The following B3GALT1 variants were observed in gnomAD, a reference collection of about 807,000 sequenced individuals.
B3GALT1 encodes the protein beta-1,3-galactosyltransferase 1.
B3GALT1 carries 10 observed loss-of-function variants against 23.2 expected under a neutral mutation model. That is an observed-to-expected ratio of 0.43 (90% confidence interval 0.27 to 0.73). The LOEUF (loss-of-function observed/expected upper bound fraction) is 0.73. B3GALT1 is among the 30% of genes least tolerant of loss of function. B3GALT1 has a pLI of 0.21. For missense variants in B3GALT1, 299 were observed against 405.4 expected, an observed-to-expected ratio of 0.74 and a Z score of 2.25; for synonymous variants, 156 against 141.5, an observed-to-expected ratio of 1.10 and a Z score of -0.73.
At position 167,371,314 on chromosome 2, in the gene B3GALT1, A is replaced by T. The variant is rs569167607; in HGVS notation, c.-511+77980A>T. ...TAATCTTTATAAAGTCACATCTTTA[A>T]TTTCTTTGAAAAATTACAAAATAGG... is the stretch of plus-strand genomic sequence containing the variant. On this transcript the variant is annotated intron_variant, in intron 1 of 4. Coordinates refer to ENST00000392690, the MANE Select transcript of B3GALT1 (RefSeq NM_020981.4). 2.2e-4 allele frequency among the ~76,000 whole-genome samples: 33 copies of T among 152,274 alleles called. No individual in the cohort carries two copies. In the South Asian group the frequency reaches 6.0e-3, roughly 28 times the overall value.
chr2:167,869,468 G>A lies in B3GALT1; in HGVS notation c.429G>A (p.Glu143=), dbSNP rs369947361. The change falls in exon 5 of 5, where the codon GAG becomes GAA. Residue 143 remains glutamate (E), a synonymous_variant. Coordinates refer to ENST00000392690, the MANE Select transcript of B3GALT1 (RefSeq NM_020981.4). The surrounding 1 kb of genome is among the most constrained non-coding windows in gnomAD (Gnocchi z 6.4). The part of the protein sequence containing the change: ...ESQIFHDIIV[E]DFIDSYHNLT... ...AAATCTTCCATGATATCATCGTGGA[G>A]GACTTTATTGACTCCTACCATAACC... is the stretch of plus-strand genomic sequence containing the variant. 23 of 1,613,730 alleles carry A rather than the reference G, an allele frequency of 1.4e-5. No homozygotes were observed. Among genetic ancestry groups the A allele is most frequent in the African/African-American group, 9.3e-5 (7 of 74,894 alleles).
intron 1 of B3GALT1, among the ~76,000 whole-genome samples, chr2:167,462,630 T>A (rs1250317296): frequency 6.6e-6 from 1 of 152,102 alleles, no homozygotes; most frequent in Non-Finnish European, 1.5e-5. Context: ...TTGAAAACCA[T>A]CTGACATTCA....
At chr2:167,519,193 C>G (rs1700149426) in intron 2 of B3GALT1, among the ~76,000 whole-genome samples, 1 of 152,060 alleles carries the variant, frequency 6.6e-6, no homozygotes, top group South Asian at 2.1e-4. Context: ...GGACTCAGCG[C>G]ATTTCTCCTT....
At chr2:167,800,145 T>C (rs1386953095) in intron 3 of B3GALT1, among the ~76,000 whole-genome samples, 2 of 152,210 alleles carry the variant, frequency 1.3e-5, no homozygotes, top group Non-Finnish European at 1.5e-5. Flanking sequence ...GGGTGAAAGA[T>C]AGAATTTCAC....
At chr2:167,526,923 G>A (rs547011378) in intron 2 of B3GALT1, among the ~76,000 whole-genome samples, 18 of 151,972 alleles carry the variant, frequency 1.2e-4, no homozygotes, top group African/African-American at 3.4e-4. Context: ...CTATGACTAC[G>A]TATTTGAATG....
Position 167,458,823 on chromosome 2 carries a change from A to T in B3GALT1, c.-510-31354A>T, listed in dbSNP as rs74531327. 9.9e-5 allele frequency among the ~76,000 whole-genome samples: 15 copies of T among 152,214 alleles called. No individual in the cohort carries two copies. In the East Asian group the frequency reaches 2.9e-3, roughly 29 times the overall value. ...GATTTTTTTGTTGTTGTTGATTGTT[A>T]GTATATAGAAATGCAACTAAGTTTT... On this transcript the variant is annotated intron_variant, in intron 1 of 4. Transcript: ENST00000392690.
At chr2:167,575,427 C>T (rs894718733) in intron 2 of B3GALT1, among the ~76,000 whole-genome samples, 1 of 151,756 alleles carries the variant, frequency 6.6e-6, no homozygotes, top group Non-Finnish European at 1.5e-5. Flanking sequence ...GAATTTCCTT[C>T]TATGTCTTCA....
At chr2:167,514,543 G>A (rs1009449208) in intron 2 of B3GALT1, among the ~76,000 whole-genome samples, 26 of 152,288 alleles carry the variant, frequency 1.7e-4, no homozygotes, top group African/African-American at 6.0e-4. Context: ...TTAGTTTACA[G>A]TCCCAGCCCC....
chr2:167,396,355 T>C (rs1698095252), intron 1 of B3GALT1, among the ~76,000 whole-genome samples: 1 of 151,982 alleles, frequency 6.6e-6, no homozygotes, highest in African/African-American at 2.4e-5. Flanking sequence ...CTGTCCTCTA[T>C]GTGTAGGAAT....
intron 2 of B3GALT1, among the ~76,000 whole-genome samples, chr2:167,514,598 T>C (rs1700075008): frequency 6.6e-6 from 1 of 152,226 alleles, no homozygotes; most frequent in African/African-American, 2.4e-5. Context: ...AGCTGAGACC[T>C]AATAACTGCC....
rs16841932 is a variant in B3GALT1 at position 167,715,575 on chromosome 2, C to T, written c.-352+68609C>T. 19,827 of 1,613,904 alleles carry T rather than the reference C, an allele frequency of 0.012. 1,945 individuals carry two copies. The Admixed American group carries it at 0.22, about 18-fold the overall frequency. Reference sequence around the variant, plus strand: ...CTTTTTGAAATATCTGCCATCAGTTCATCTTGTGGAGAATGTTTAGATTTC... The same window carrying T: ...CTTTTTGAAATATCTGCCATCAGTTTATCTTGTGGAGAATGTTTAGATTTC... On this transcript the variant is annotated intron_variant, in intron 3 of 4. Transcript: ENST00000392690.
In B3GALT1 at chr2:167,294,188, G is replaced by T. The variant is rs1314175958; in HGVS notation, c.-511+854G>T. 2.0e-5 allele frequency among the ~76,000 whole-genome samples: 3 copies of T among 152,268 alleles called. No individual in the cohort carries two copies. The East Asian group carries it at 5.8e-4, about 30-fold the overall frequency. On this transcript the variant is annotated intron_variant, in intron 1 of 4. Coordinates refer to ENST00000392690, the MANE Select transcript of B3GALT1 (RefSeq NM_020981.4). ...GGTGGGGCCACTGCCTCCCCAGGCCGCTTTGGCCCGCTGACCTCCCAGGTT... is the reference window on the plus strand; with the variant it reads ...GGTGGGGCCACTGCCTCCCCAGGCCTCTTTGGCCCGCTGACCTCCCAGGTT...
chr2:167,548,319 C>T (rs1002386391), intron 2 of B3GALT1, among the ~76,000 whole-genome samples: 12 of 152,186 alleles, frequency 7.9e-5, no homozygotes, highest in Non-Finnish European at 1.6e-4. Context: ...GACTTCCCAA[C>T]TCCACCTCCA....
At chr2:167,732,554 G>A (rs1687425532) in intron 3 of B3GALT1, among the ~76,000 whole-genome samples, 1 of 152,188 alleles carries the variant, frequency 6.6e-6, no homozygotes. Flanking sequence ...AACTGCTGCA[G>A]AACAACCGCT....
At chr2:167,316,279 G>A (rs1696716456) in intron 1 of B3GALT1, among the ~76,000 whole-genome samples, 1 of 151,734 alleles carries the variant, frequency 6.6e-6, no homozygotes, top group African/African-American at 2.4e-5. Flanking sequence ...CTACATTGGG[G>A]TGTGCATTCA....
chr2:167,708,226 G>T (rs1228045737), intron 3 of B3GALT1, among the ~76,000 whole-genome samples: 2 of 152,212 alleles, frequency 1.3e-5, no homozygotes, highest in Non-Finnish European at 2.9e-5. Flanking sequence ...TTTACCTGAA[G>T]TGTGAGGAGA....
chr2:167,845,249 C>T (rs372342645), intron 4 of B3GALT1, among the ~76,000 whole-genome samples: 2 of 152,160 alleles, frequency 1.3e-5, no homozygotes, highest in East Asian at 3.9e-4. Context: ...ACAGCTGGTG[C>T]TCTCTGGAAA....
At chr2:167,477,737 T>G (rs1699507147) in intron 1 of B3GALT1, among the ~76,000 whole-genome samples, 1 of 152,186 alleles carries the variant, frequency 6.6e-6, no homozygotes, top group East Asian at 1.9e-4. Flanking sequence ...TGTCTAACAA[T>G]TTTAAAGAAT....
At chr2:167,775,473 G>T (rs1394795287) in intron 3 of B3GALT1, among the ~76,000 whole-genome samples, 3 of 151,598 alleles carry the variant, frequency 2.0e-5, no homozygotes, top group African/African-American at 4.8e-5. Flanking sequence ...GGAGGCTGAG[G>T]CAGGAGAATC....
Sources: allele counts gnomAD v4.1 joint callset (sites outside exome capture counted in the v4.1 genomes callset), GRCh38; gene constraint gnomAD v4.1.1; non-coding constraint Gnocchi (gnomAD v3.1); transcripts MANE v1.5; gene names NCBI Gene and HGNC (gene_info 2026-07-23, HGNC 2026-07-21).